Variants in HMBOX1 observed in about 807,000 individuals in gnomAD.
HMBOX1 encodes the protein homeobox containing 1.
In HMBOX1, 14 loss-of-function variants were observed where a neutral mutation model predicts 54.5. The observed-to-expected ratio is 0.26, with a 90% CI of 0.17 to 0.40. The LOEUF (loss-of-function observed/expected upper bound fraction) is 0.40. Among genes scored for constraint, HMBOX1 ranks in the 10% least tolerant of loss-of-function variants. The probability of loss-of-function intolerance (pLI) is 1.00; values close to 1 mark genes in which losing one functional copy is unlikely to be tolerated. For missense variants in HMBOX1, 332 were observed against 514.4 expected (o/e 0.65, Z 3.43); for synonymous variants, 160 against 181.0 (o/e 0.88, Z 0.93).
chr8:28,894,326 A>G (rs1811641143), intron 1 of HMBOX1, among the ~76,000 whole-genome samples: 2 of 152,186 alleles, frequency 1.3e-5, no homozygotes, highest in African/African-American at 4.8e-5. Context: ...ATTGGTGTAT[A>G]TCTATCAGAC....
rs369802182 is a variant in HMBOX1 at position 28,969,176 on chromosome 8, AAAC to A, written c.24-846_24-844del. ...TGACAAGAGCAAAACTCTGTATCCA[AAAC>A]AACAACAACAACAACAACAAAGGGA... On this transcript the variant is annotated intron_variant, in intron 2 of 9. Coordinates refer to ENST00000287701, the MANE Select transcript of HMBOX1 (RefSeq NM_001135726.3). 4.9e-3 allele frequency among the ~76,000 whole-genome samples: 741 copies of A among 152,126 alleles called. 4 individuals carry two copies. The highest frequency in any genetic ancestry group is 0.017 in the African/African-American group (715 of 41,476).
intron 9 of HMBOX1, chr8:29,050,207 T>TA (rs1480623814): frequency 1.9e-5 from 19 of 984,328 alleles, no homozygotes; most frequent in Non-Finnish European, 2.1e-5. Context: ...TTAAGGGACT[T>TA]ACCCTTTCCA....
At chr8:29,003,809 G>T (rs1833038035) in intron 4 of HMBOX1, among the ~76,000 whole-genome samples, 1 of 151,708 alleles carries the variant, frequency 6.6e-6, no homozygotes, top group African/African-American at 2.4e-5. Context: ...AGAGATGATA[G>T]CAGTTCTGAA....
chr8:28,943,551 G>C (rs985614735), intron 1 of HMBOX1, among the ~76,000 whole-genome samples: 1 of 152,136 alleles, frequency 6.6e-6, no homozygotes, highest in African/African-American at 2.4e-5. Context: ...CTGCTTTCAG[G>C]AAGGAAAGGA....
At chr8:28,898,082 A>G (rs1029243646) in intron 1 of HMBOX1, among the ~76,000 whole-genome samples, 9 of 152,228 alleles carry the variant, frequency 5.9e-5, no homozygotes, top group Non-Finnish European at 8.8e-5. Context: ...TGTTAATCCA[A>G]TATACTATCG....
intron 1 of HMBOX1, 130 bp downstream of exon 1, chr8:28,890,808 G>A (rs1254659207): frequency 6.6e-6 from 1 of 152,534 alleles, no homozygotes; most frequent in Non-Finnish European, 1.5e-5. Flanking sequence ...GGTCTCGTAA[G>A]CGGCCGGATT....
intron 1 of HMBOX1, among the ~76,000 whole-genome samples, chr8:28,937,215 G>C (rs1277944768): frequency 6.6e-6 from 1 of 152,068 alleles, no homozygotes; most frequent in African/African-American, 2.4e-5. Context: ...TAAATCTTTT[G>C]GGTTGTAGTA....
At chr8:29,049,527 A>G (rs1806125251) in intron 9 of HMBOX1, 2 of 1,326,786 alleles carry the variant, frequency 1.5e-6, no homozygotes, top group Non-Finnish European at 2.0e-6. Flanking sequence ...TGCAGTGGGA[A>G]CCCTCCTGCC....
chr8:28,936,302 T>C (rs924630230), intron 1 of HMBOX1, among the ~76,000 whole-genome samples: 1 of 152,110 alleles, frequency 6.6e-6, no homozygotes, highest in African/African-American at 2.4e-5. Flanking sequence ...TGTTACACTC[T>C]GTAGTTTTAT....
Position 29,051,122 on chromosome 8 carries a change from C to G in HMBOX1, c.1230C>G (p.Asn410Lys). 1.9e-6 allele frequency: 3 copies of G among 1,613,710 alleles called. No homozygotes were observed. Among genetic ancestry groups the G allele is most frequent in the East Asian group, 2.2e-5 (1 of 44,856 alleles). Residue 410 changes from asparagine to lysine, a missense_variant, in exon 10 of 10, where the codon AAC becomes AAG. Coordinates refer to ENST00000287701, the MANE Select transcript of HMBOX1 (RefSeq NM_001135726.3). ...TILALARQGANEIKTEALDDD is the reference protein window; with the variant it reads ...TILALARQGAKEIKTEALDDD ...TGGCATTGGCCCGACAAGGAGCCAA[C>G]GAAATCAAGACAGAGGCCCTGGATG...
chr8:28,902,050 G>T (rs1414961547), intron 1 of HMBOX1, among the ~76,000 whole-genome samples: 1 of 152,062 alleles, frequency 6.6e-6, no homozygotes, highest in African/African-American at 2.4e-5. Flanking sequence ...GTAATTTTTT[G>T]TATTTACTTG....
intron 6 of HMBOX1, among the ~76,000 whole-genome samples, chr8:29,036,245 A>G (rs137921324): frequency 5.3e-4 from 81 of 152,362 alleles, no homozygotes; most frequent in Non-Finnish European, 1.0e-3. Flanking sequence ...ATGTTAGGGC[A>G]CATTTCATAC....
chr8:29,004,321 G>C (rs1476688520), intron 4 of HMBOX1, among the ~76,000 whole-genome samples: 1 of 152,188 alleles, frequency 6.6e-6, no homozygotes, highest in East Asian at 1.9e-4. Flanking sequence ...TAAGAAGCTA[G>C]CAAAGCAGCC....
At chr8:28,900,828 A>G (rs1813116925) in intron 1 of HMBOX1, among the ~76,000 whole-genome samples, 1 of 152,138 alleles carries the variant, frequency 6.6e-6, no homozygotes, top group Admixed American at 6.5e-5. Context: ...ACTTTGGAAT[A>G]TCAGCCATCT....
intron 1 of HMBOX1, among the ~76,000 whole-genome samples, chr8:28,961,476 G>C (rs1825580280): frequency 6.6e-6 from 1 of 152,116 alleles, no homozygotes; most frequent in Non-Finnish European, 1.5e-5. Context: ...TTTTGTGATT[G>C]GGTTGTTTCG....
At chr8:28,985,849 A>G (rs28668085) in intron 4 of HMBOX1, among the ~76,000 whole-genome samples, 2,922 of 152,168 alleles carry the variant, frequency 0.019, 88 homozygotes, top group African/African-American at 0.067. Context: ...TAGGTTCACA[A>G]CTGTCTTCTA....
At chr8:28,968,712 T>G (rs1467901244) in intron 2 of HMBOX1, among the ~76,000 whole-genome samples, 3 of 152,242 alleles carry the variant, frequency 2.0e-5, no homozygotes, top group Non-Finnish European at 4.4e-5. Flanking sequence ...GAGCAGATGT[T>G]TGTTTGAGAA....
chr8:28,986,210 A>G (rs1484261798), intron 4 of HMBOX1, among the ~76,000 whole-genome samples: 1 of 152,150 alleles, frequency 6.6e-6, no homozygotes, highest in Non-Finnish European at 1.5e-5. Flanking sequence ...AGTCGTATAC[A>G]GTTCACATTC....
intron 6 of HMBOX1, among the ~76,000 whole-genome samples, chr8:29,032,081 T>G (rs1269547844): frequency 2.0e-5 from 3 of 152,088 alleles, no homozygotes; most frequent in Non-Finnish European, 2.9e-5. Flanking sequence ...AGATTGGGAA[T>G]GACCTTACAT....
Sources: gnomAD v4.1 joint callset for allele counts (sites outside exome capture counted in the v4.1 genomes callset) on GRCh38, gnomAD v4.1.1 for gene constraint, MANE v1.5 for transcripts, NCBI Gene and HGNC (gene_info 2026-07-23, HGNC 2026-07-21) for gene names.